Variants in ACOXL observed in about 807,000 individuals in gnomAD.
ACOXL encodes the protein acyl-coenzyme A oxidase-like protein.
A neutral mutation model predicts 71.9 loss-of-function variants in ACOXL; 70 were observed. The ratio of observed to expected loss-of-function variants is 0.97; its 90% CI spans 0.80 to 1.19. The LOEUF (loss-of-function observed/expected upper bound fraction) is 1.19, where lower values mean the gene tolerates loss of function less well. ACOXL is among the 50% of genes most tolerant of loss of function. The pLI is 0.00. For synonymous variants in ACOXL, 253 were observed against 281.6 expected (o/e 0.90, Z 1.02); for missense variants, 703 against 736.3 (o/e 0.95, Z 0.52).
intron 11 of ACOXL, among the ~76,000 whole-genome samples, chr2:110,910,151 C>T (rs2059600843): frequency 6.6e-6 from 1 of 152,192 alleles, no homozygotes; most frequent in African/African-American, 2.4e-5. Flanking sequence ...ACCCTCACCT[C>T]TCCACCACAG....
intron 17 of ACOXL, among the ~76,000 whole-genome samples, chr2:111,112,615 G>A (rs1253893958): frequency 2.6e-5 from 4 of 152,112 alleles, no homozygotes; most frequent in African/African-American, 9.7e-5. Context: ...TGCATTCAGC[G>A]AGTTTGGAAG....
intron 16 of ACOXL, among the ~76,000 whole-genome samples, chr2:111,088,163 G>A (rs573251162): frequency 1.3e-5 from 2 of 152,230 alleles, no homozygotes; most frequent in Non-Finnish European, 2.9e-5. Flanking sequence ...CAAGGTTGCA[G>A]AGAAAAAGGG....
chr2:110,733,784 C>T (rs1676492711), intron 1 of ACOXL, among the ~76,000 whole-genome samples: 1 of 152,074 alleles, frequency 6.6e-6, no homozygotes, highest in African/African-American at 2.4e-5. Flanking sequence ...CAGTGTCTCG[C>T]CGACTTCTCT....
At chr2:110,938,093 G>T (rs1158566501) in intron 12 of ACOXL, among the ~76,000 whole-genome samples, 1 of 152,226 alleles carries the variant, frequency 6.6e-6, no homozygotes, top group African/African-American at 2.4e-5. Flanking sequence ...CAGGGGCTCA[G>T]AGTACTCAGT....
At chr2:110,802,995 T>G (rs1481372438) in intron 8 of ACOXL, among the ~76,000 whole-genome samples, 2 of 152,150 alleles carry the variant, frequency 1.3e-5, no homozygotes, top group African/African-American at 4.8e-5. Context: ...TCCATCAATA[T>G]GTACAATTAT....
chr2:110,819,328 A>C (rs1254313250), intron 9 of ACOXL, among the ~76,000 whole-genome samples: 1 of 152,218 alleles, frequency 6.6e-6, no homozygotes, highest in Admixed American at 6.5e-5. Context: ...AGATTTACTC[A>C]TGGTTCAGGA....
At chr2:111,022,363 A>G (rs1445529067) in intron 14 of ACOXL, among the ~76,000 whole-genome samples, 2 of 151,970 alleles carry the variant, frequency 1.3e-5, no homozygotes, top group African/African-American at 4.8e-5. Context: ...GAAACTCCAT[A>G]TCAAAAAAAA....
intron 2 of ACOXL, 110 bp from the exon 3 acceptor site, chr2:110,784,622 T>C: frequency 1.3e-6 from 1 of 762,686 alleles, no homozygotes; most frequent in Non-Finnish European, 2.0e-6. Context: ...CTGCTTTTAC[T>C]GTGTTTATTT....
At chr2:110,870,185 G>C (rs1168457609) in intron 10 of ACOXL, among the ~76,000 whole-genome samples, 1 of 152,188 alleles carries the variant, frequency 6.6e-6, no homozygotes, top group African/African-American at 2.4e-5. Flanking sequence ...GGTGCTTCAA[G>C]GGTTCAGCAG....
Position 110,908,881 on chromosome 2 carries a change from C to T in ACOXL, c.881C>T (p.Ala294Val), listed in dbSNP as rs141343086. 1.4e-5 allele frequency: 22 copies of T among 1,613,784 alleles called. No homozygotes were observed. In the African/African-American group the frequency reaches 2.8e-4, roughly 21 times the overall value. ...TLRLMPHLAT[A>V]LALTFVSRYA... ...CGGCTGATGCCCCACCTGGCCACAG[C>T]CTTGGCCCTGACCTTCGTCAGCAGG... Residue 294 changes from alanine (A) to valine (V), a missense_variant, in exon 11 of 18, where the codon GCC (alanine) becomes GTC (valine). Ala to Val is a moderately conservative substitution (Grantham distance 64). Coordinates refer to ENST00000439055, the MANE Select transcript of ACOXL (RefSeq NM_001142807.4).
At chr2:110,854,743 A>C (rs1236896881) in intron 10 of ACOXL, among the ~76,000 whole-genome samples, 1 of 152,162 alleles carries the variant, frequency 6.6e-6, no homozygotes, top group South Asian at 2.1e-4. Flanking sequence ...CCCAAGGGAG[A>C]GGTGGCCCTT....
chr2:110,978,739 C>T (rs2062569961), intron 12 of ACOXL, among the ~76,000 whole-genome samples: 4 of 152,232 alleles, frequency 2.6e-5, no homozygotes, highest in Middle Eastern at 3.4e-3. Context: ...AACAAATCAA[C>T]ATTGGGGGTT....
At chr2:110,929,931 G>A (rs1213979864) in intron 11 of ACOXL, among the ~76,000 whole-genome samples, 1 of 152,238 alleles carries the variant, frequency 6.6e-6, no homozygotes, top group Non-Finnish European at 1.5e-5. Flanking sequence ...ATGCCTGGAT[G>A]TCCAGGCATA....
At chr2:110,999,110 C>T (rs1254543052) in intron 14 of ACOXL, among the ~76,000 whole-genome samples, 3 of 152,160 alleles carry the variant, frequency 2.0e-5, no homozygotes, top group Non-Finnish European at 4.4e-5. Context: ...TTTATTTTCT[C>T]ACAGTTCTGG....
At chr2:110,806,674 G>A (rs1016341870) in intron 9 of ACOXL, among the ~76,000 whole-genome samples, 4 of 152,232 alleles carry the variant, frequency 2.6e-5, no homozygotes, top group Non-Finnish European at 5.9e-5. Flanking sequence ...TCTAATTGCA[G>A]TAGCCTGCAG....
chr2:111,001,368 A>C (rs1473424903), intron 14 of ACOXL, among the ~76,000 whole-genome samples: 1 of 148,228 alleles, frequency 6.7e-6, no homozygotes. Flanking sequence ...AAGCTTCTGC[A>C]ATCAGGGAAC....
intron 12 of ACOXL, among the ~76,000 whole-genome samples, chr2:110,934,802 G>A (rs187618225): frequency 1.4e-4 from 22 of 152,286 alleles, no homozygotes; most frequent in African/African-American, 4.1e-4. Context: ...CCTGATGATG[G>A]TGGGGGGTGG....
At chr2:110,887,741 T>G (rs1697474008) in intron 10 of ACOXL, 1 of 152,314 alleles carries the variant, frequency 6.6e-6, no homozygotes, top group Non-Finnish European at 1.5e-5. Context: ...ATTATAGGTG[T>G]GAGCCAACAT....
At chr2:111,048,237 G>A (rs1320393023) in intron 15 of ACOXL, among the ~76,000 whole-genome samples, 2 of 152,208 alleles carry the variant, frequency 1.3e-5, no homozygotes, top group East Asian at 3.8e-4. Context: ...GTGGGCTTGG[G>A]ATGTTCAGTT....
Sources: allele counts gnomAD v4.1 joint callset (sites outside exome capture counted in the v4.1 genomes callset), GRCh38; gene constraint gnomAD v4.1.1; transcripts MANE v1.5; gene names NCBI Gene and HGNC (gene_info 2026-07-23, HGNC 2026-07-21).